The following ARHGAP32 variants were observed in gnomAD, a reference collection of about 807,000 sequenced individuals.
ARHGAP32 encodes the protein Rho GTPase activating protein 32, also known as rho GTPase-activating protein 32.
A neutral mutation model predicts 186.5 loss-of-function variants in ARHGAP32; 51 were observed. That is an observed-to-expected ratio of 0.27 (90% CI 0.22 to 0.35). The LOEUF is 0.35. Ranked by LOEUF, ARHGAP32 falls within the 10% of genes least tolerant of loss-of-function variation. The pLI is 1.00. For missense variants in ARHGAP32, 2,186 were observed against 2,623.5 expected, an observed-to-expected ratio of 0.83 and a Z score of 3.64; for synonymous variants, 950 against 964.3, an observed-to-expected ratio of 0.99 and a Z score of 0.27.
At chr11:129,107,350 T>C (rs1301292899) in intron 5 of ARHGAP32, among the ~76,000 whole-genome samples, 3 of 152,102 alleles carry the variant, frequency 2.0e-5, no homozygotes, top group Non-Finnish European at 4.4e-5. Flanking sequence ...AAAAGGACAC[T>C]AGACAGTAAC....
chr11:129,180,261 A>G (rs1228923773), intron 1 of ARHGAP32, among the ~76,000 whole-genome samples: 1 of 152,218 alleles, frequency 6.6e-6, no homozygotes, highest in African/African-American at 2.4e-5. Context: ...ACATTAGAGT[A>G]CATGCTATAT....
chr11:128,970,925 T>C lies in ARHGAP32; in HGVS notation c.4288A>G (p.Thr1430Ala). ...ATCATCTTACTCTCCATCATCCTGGTGGGGGGCAGTGGTGCAGGAAAGCCA... is the reference window on the plus strand; with the variant it reads ...ATCATCTTACTCTCCATCATCCTGGCGGGGGGCAGTGGTGCAGGAAAGCCA... ...PCGFPAPLPPTRMMESKMIAA... is the reference protein window; with the variant it reads ...PCGFPAPLPPARMMESKMIAA... Residue 1430 changes from threonine (T) to alanine (A), a missense_variant, in exon 23 of 23, where the codon ACC becomes GCC. Thr to Ala is a moderately conservative substitution (Grantham distance 58). This residue lies in a region of ARHGAP32 where 1,502 missense variants were observed against 1,570.0 expected (regional missense o/e 0.96). Coordinates refer to ENST00000682385, the MANE Select transcript of ARHGAP32 (RefSeq NM_001378024.1). This position sits in a 1 kb window ranked among gnomAD's most constrained non-coding sequence, Gnocchi z 5.8. 4.3e-6 allele frequency: 7 copies of C among 1,613,884 alleles called. No individual in the cohort carries two copies. Among genetic ancestry groups the C allele is most frequent in the Non-Finnish European group, 5.9e-6 (7 of 1,179,916 alleles).
intron 1 of ARHGAP32, among the ~76,000 whole-genome samples, chr11:129,238,574 G>A (rs1007733227): frequency 6.6e-6 from 1 of 152,022 alleles, no homozygotes; most frequent in East Asian, 1.9e-4. Flanking sequence ...TACACTGATG[G>A]GATTTAAAAT....
intron 1 of ARHGAP32, among the ~76,000 whole-genome samples, chr11:129,215,253 G>T (rs1944630499): frequency 6.6e-6 from 1 of 152,082 alleles, no homozygotes. Context: ...TAGGGTTTTG[G>T]TGCCTCAGTT....
At chr11:128,976,727 TGA>T in intron 19 of ARHGAP32, 93 bp from the exon 20 acceptor site, 3 of 1,038,646 alleles carry the variant, frequency 2.9e-6, no homozygotes, top group Non-Finnish European at 4.5e-6. Context: ...TTTAAACTTT[TGA>T]GAGTGATTAG....
intron 5 of ARHGAP32, among the ~76,000 whole-genome samples, chr11:129,120,114 G>A (rs2135371504): frequency 6.6e-6 from 1 of 152,186 alleles, no homozygotes; most frequent in Non-Finnish European, 1.5e-5. Context: ...AAAAGACAAT[G>A]CTTTAGTGTA....
intron 11 of ARHGAP32, among the ~76,000 whole-genome samples, chr11:129,033,346 T>A (rs1377343274): frequency 6.6e-6 from 1 of 152,208 alleles, no homozygotes; most frequent in South Asian, 2.1e-4. Context: ...CCAATGATTG[T>A]CCCAAATTAA....
intron 16 of ARHGAP32, 45 bp from the exon 17 acceptor site, chr11:128,981,606 C>T (rs1189288875): frequency 7.7e-6 from 12 of 1,551,996 alleles, no homozygotes; most frequent in South Asian, 2.4e-5. Flanking sequence ...AGATAGCAGT[C>T]GTCAAGGGCC....
Position 129,230,992 on chromosome 11 carries a change from G to A in ARHGAP32, c.-5+48154C>T, listed in dbSNP as rs150888438. On this transcript the variant is annotated intron_variant, in intron 1 of 6. Transcript: ENST00000525234. The stretch of plus-strand genomic sequence containing the variant: ...TCTACTAAAAATACAAAAATTAGCC[G>A]GCCATGGTGGTGGGTGCCTGTAATC... Among the ~76,000 whole-genome samples, 169 of 151,912 alleles carry A rather than the reference G, an allele frequency of 1.1e-3. 1 individual carries two copies. Among genetic ancestry groups the A allele is most frequent in the East Asian group, 7.0e-3 (36 of 5,146 alleles).
At chr11:129,263,466 T>A (rs1460697315) in intron 1 of ARHGAP32, among the ~76,000 whole-genome samples, 1 of 150,930 alleles carries the variant, frequency 6.6e-6, no homozygotes, top group African/African-American at 2.4e-5. Flanking sequence ...AACAAGCATA[T>A]GAAAAAATGC....
intron 12 of ARHGAP32, among the ~76,000 whole-genome samples, chr11:128,992,534 T>C (rs1354535309): frequency 1.3e-5 from 2 of 151,872 alleles, no homozygotes; most frequent in African/African-American, 4.8e-5. Flanking sequence ...CCCAGCACTT[T>C]GGGAGGCTGA....
intron 1 of ARHGAP32, among the ~76,000 whole-genome samples, chr11:129,226,743 A>G (rs1385657511): frequency 6.6e-6 from 1 of 152,178 alleles, no homozygotes; most frequent in African/African-American, 2.4e-5. Context: ...TGATCCAAGT[A>G]TATGTTTCTA....
intron 1 of ARHGAP32, among the ~76,000 whole-genome samples, chr11:129,260,006 G>A (rs1247142449): frequency 1.3e-5 from 2 of 152,122 alleles, no homozygotes; most frequent in African/African-American, 4.8e-5. Flanking sequence ...CAGATGCACA[G>A]CCACAGAAGT....
intron 2 of ARHGAP32, among the ~76,000 whole-genome samples, chr11:129,128,674 A>C (rs1261777102): frequency 6.9e-6 from 1 of 145,178 alleles, no homozygotes; most frequent in Non-Finnish European, 1.5e-5. Context: ...GGCTCACTGC[A>C]ACCTCCCTGC....
intron 6 of ARHGAP32, among the ~76,000 whole-genome samples, chr11:129,084,492 C>T (rs1168629667): frequency 3.3e-5 from 5 of 152,078 alleles, no homozygotes; most frequent in Admixed American, 2.0e-4. Context: ...GAATGCAAGG[C>T]TGGTTCAACA....
At chr11:129,220,773 A>G (rs1450330955) in intron 1 of ARHGAP32, among the ~76,000 whole-genome samples, 3 of 152,174 alleles carry the variant, frequency 2.0e-5, no homozygotes, top group Admixed American at 6.5e-5. Context: ...AAAGCCTAGT[A>G]ACTGTTTTTG....
chr11:129,041,620 C>T (rs995118608), intron 10 of ARHGAP32, among the ~76,000 whole-genome samples: 2 of 151,890 alleles, frequency 1.3e-5, no homozygotes, highest in Non-Finnish European at 1.5e-5. Flanking sequence ...GAGAAGAAAA[C>T]AGCCAATCTC....
intron 1 of ARHGAP32, among the ~76,000 whole-genome samples, chr11:129,220,553 A>G (rs1053779510): frequency 6.6e-6 from 1 of 152,240 alleles, no homozygotes; most frequent in African/African-American, 2.4e-5. Flanking sequence ...AGTTTTCTCA[A>G]CATGAGAAGA....
intron 1 of ARHGAP32, among the ~76,000 whole-genome samples, chr11:129,221,453 C>T (rs576828731): frequency 1.1e-4 from 17 of 148,678 alleles, no homozygotes; most frequent in East Asian, 4.0e-4. Context: ...CCATTACAAT[C>T]GAAACAAGCT....
Sources: allele counts gnomAD v4.1 joint callset (sites outside exome capture counted in the v4.1 genomes callset), GRCh38; gene constraint gnomAD v4.1.1; regional missense constraint gnomAD v4.1.1; non-coding constraint Gnocchi (gnomAD v3.1); transcripts MANE v1.5; gene names NCBI Gene and HGNC (gene_info 2026-07-23, HGNC 2026-07-21).